Variants in VGLL1 observed in about 807,000 individuals in gnomAD.
VGLL1 encodes the protein transcription cofactor vestigial-like protein 1.
Under a neutral mutation model 12.0 loss-of-function variants are expected in VGLL1, and 4 were observed. The observed-to-expected ratio is 0.33, with a 90% CI of 0.16 to 0.76. VGLL1 has a LOEUF of 0.76. Among genes scored for constraint, VGLL1 ranks in the 30% least tolerant of loss-of-function variants. The probability of loss-of-function intolerance (pLI) is 0.60; values close to 1 mark genes in which losing one functional copy is unlikely to be tolerated. For missense variants in VGLL1, 204 were observed against 208.7 expected, an observed-to-expected ratio of 0.98 and a Z score of 0.14; for synonymous variants, 87 against 81.2, an observed-to-expected ratio of 1.07 and a Z score of -0.39.
At chrX:136,539,533 TCAGCC>T (rs2075850075) in intron 2 of VGLL1, among the ~76,000 whole-genome samples, 1 of 111,687 alleles carries the variant, frequency 9.0e-6, no homozygotes, top group African/African-American at 3.3e-5. Context: ...TCGCTTGCAG[TCAGCC>T]CATAACATTA....
In VGLL1 at chrX:136,537,869, A is replaced by G. The variant is rs572507866; in HGVS notation, c.214+1635A>G. ...GTGTGAACCACCACACCCAGCTAGT[A>G]TTATTATCACTATTATTATTACTAT... is the stretch of plus-strand genomic sequence containing the variant. On this transcript the variant is annotated intron_variant, in intron 2 of 4. Transcript: ENST00000370634. Among the ~76,000 whole-genome samples, 31 of 110,237 alleles carry G rather than the reference A, an allele frequency of 2.8e-4. No individual in the cohort carries two copies. The South Asian group carries it at 0.011, about 40-fold the overall frequency.
intron 2 of VGLL1, among the ~76,000 whole-genome samples, chrX:136,539,329 G>A (rs954454894): frequency 9.0e-6 from 1 of 111,218 alleles, no homozygotes; most frequent in Non-Finnish European, 1.9e-5. Flanking sequence ...TGTGTACTCT[G>A]TCCTTTCCTC....
At chrX:136,532,593 C>CTTTCTT (rs2075826186) in intron 1 of VGLL1, among the ~76,000 whole-genome samples, 5 of 60,814 alleles carry the variant, frequency 8.2e-5, no homozygotes, top group African/African-American at 3.2e-4. Flanking sequence ...TTCTTTCTTT[C>CTTTCTT]TTTCTTTCTT....
At chrX:136,532,585 CTT>C (rs2075826019) in intron 1 of VGLL1, among the ~76,000 whole-genome samples, 1 of 20,769 alleles carries the variant, frequency 4.8e-5, no homozygotes, top group African/African-American at 1.8e-4. Context: ...TTCTTTCTTT[CTT>C]TCTTTCTTTC....
chrX:136,544,113 T>A (rs1362456029), intron 2 of VGLL1, among the ~76,000 whole-genome samples: 10 of 111,874 alleles, frequency 8.9e-5, no homozygotes, highest in African/African-American at 3.3e-4. Flanking sequence ...TTTAAAAAAT[T>A]CATCAATGTC....
chrX:136,533,295 A>G (rs750403223), intron 1 of VGLL1, among the ~76,000 whole-genome samples: 4 of 111,006 alleles, frequency 3.6e-5, no homozygotes, highest in South Asian at 7.7e-4. Context: ...TGAATACTGA[A>G]TTTATTATTC....
At position 136,548,960 on chromosome X, in the gene VGLL1, G is replaced by T; in HGVS notation, c.586G>T (p.Ala196Ser). 1 of 1,212,075 alleles carries T rather than the reference G, an allele frequency of 8.3e-7. No homozygotes were observed. The highest frequency in any genetic ancestry group is 1.1e-6 in the Non-Finnish European group (1 of 895,536). ...ARENGNPGQI[A>S]GSTGLLFNLP... ...GGAGAATGGCAACCCTGGCCAGATA[G>T]CTGGAAGCACAGGGTTGCTCTTCAA... is the stretch of plus-strand genomic sequence containing the variant. The change falls in exon 3 of 5, where the codon GCT (alanine) becomes TCT (serine). Residue 196 changes from alanine to serine, a missense_variant. Physicochemically the swap from Ala to Ser is moderately conservative, Grantham distance 99. Transcript: ENST00000370634.
At chrX:136,541,086 C>G (rs1385177125) in intron 2 of VGLL1, among the ~76,000 whole-genome samples, 1 of 112,481 alleles carries the variant, frequency 8.9e-6, no homozygotes, top group Non-Finnish European at 1.9e-5. Flanking sequence ...CCTGTGTTCA[C>G]AACACCAGGT....
intron 4 of VGLL1, among the ~76,000 whole-genome samples, chrX:136,552,011 G>A (rs764509403): frequency 9.0e-6 from 1 of 111,374 alleles, no homozygotes; most frequent in East Asian, 2.8e-4. Flanking sequence ...TAGGGGTGAG[G>A]GCAATCTATA....
In VGLL1 at chrX:136,556,520, G is replaced by A. The variant is rs1464591571; in HGVS notation, c.758G>A (p.Arg253Gln). 1.1e-5 allele frequency: 13 copies of A among 1,210,242 alleles called. No homozygotes were observed. The highest frequency in any genetic ancestry group is 4.3e-5 in the Admixed American group (2 of 46,029). Residue 253 changes from arginine (R) to glutamine (Q), a missense_variant, in exon 5 of 5, where the codon CGA becomes CAA. By Grantham distance (43) the Arg-to-Gln change is conservative. Coordinates refer to ENST00000370634, the MANE Select transcript of VGLL1 (RefSeq NM_016267.4). ...CCAAACCACTGGGGCCACCCACATC[G>A]ATACCTGCAGCATCTTTAGTCAAGT... ...TPPNHWGHPH[R>Q]YLQHL
At chrX:136,538,464 C>T (rs181943361) in intron 2 of VGLL1, among the ~76,000 whole-genome samples, 4 of 112,614 alleles carry the variant, frequency 3.6e-5, no homozygotes, top group African/African-American at 1.3e-4. Flanking sequence ...AAGTCACCCT[C>T]GCCAGCTGGA....
chrX:136,556,720 C>T lies in VGLL1; in HGVS notation c.*181C>T. On this transcript the variant is annotated 3_prime_UTR_variant, in exon 5 of 5. Coordinates refer to ENST00000370634, the MANE Select transcript of VGLL1 (RefSeq NM_016267.4). ...TGAAAATCCCAGAAGCCCCCGCTGT[C>T]AATGTTCCCCATCCACACCCTGCTT... 1 of 408,122 alleles carries T rather than the reference C, an allele frequency of 2.5e-6. No individual in the cohort carries two copies. Among genetic ancestry groups the T allele is most frequent in the East Asian group, 4.0e-5 (1 of 25,297 alleles). 33.6% of individuals were successfully genotyped at this position (408,122 alleles called of 1,213,427 possible).
chrX:136,545,472 T>G (rs2075867269), intron 2 of VGLL1, among the ~76,000 whole-genome samples: 1 of 111,788 alleles, frequency 8.9e-6, no homozygotes, highest in African/African-American at 3.3e-5. Flanking sequence ...TGATCTCAGC[T>G]CTCGCCAAGC....
At chrX:136,543,890 C>T (rs758897738) in intron 2 of VGLL1, among the ~76,000 whole-genome samples, 65 of 112,075 alleles carry the variant, frequency 5.8e-4, no homozygotes, top group African/African-American at 2.0e-3. Context: ...AGCTGTGACT[C>T]GTTTTTTGGG....
chrX:136,536,178 A>G lies in VGLL1; in HGVS notation c.158A>G (p.Lys53Arg). 8.3e-7 allele frequency: 1 copy of G among 1,211,426 alleles called. No individual in the cohort carries two copies. The highest frequency in any genetic ancestry group is 1.1e-6 in the Non-Finnish European group (1 of 895,454). Residue 53 changes from lysine (K) to arginine (R), a missense_variant, in exon 2 of 5, where the codon AAG becomes AGG. By Grantham distance (26) the Lys-to-Arg change is conservative. Coordinates refer to ENST00000370634, the MANE Select transcript of VGLL1 (RefSeq NM_016267.4). Reference protein sequence around the residue: ...EHFSRALSNIKSPQELTPSSQ... With the variant: ...EHFSRALSNIRSPQELTPSSQ... The stretch of plus-strand genomic sequence containing the variant: ...TTCTCCAGAGCTCTGAGCAATATCA[A>G]GAGCCCCCAGGAATTGACCCCCTCG...
rs761275632 is a variant in VGLL1, at chrX:136,548,861, G to A, written c.487G>A (p.Gly163Arg). 2 of 1,212,187 alleles carry A rather than the reference G, an allele frequency of 1.6e-6. No individual in the cohort carries two copies. The highest frequency in any genetic ancestry group is 2.2e-6 in the Non-Finnish European group (2 of 895,631). The stretch of plus-strand genomic sequence containing the variant: ...CCTGGTTCCAGAGCCCCAGCCTGAT[G>A]GGAAACGTGAGCCTCTCCTAAGTCT... ...RHLVPEPQPD[G>R]KREPLLSLLQ... Residue 163 changes from glycine to arginine, a missense_variant, in exon 3 of 5, where the codon GGG (glycine) becomes AGG (arginine). Physicochemically the swap from Gly to Arg is moderately radical, Grantham distance 125. Coordinates refer to ENST00000370634, the MANE Select transcript of VGLL1 (RefSeq NM_016267.4).
chrX:136,556,394 T>G, intron 4 of VGLL1, 57 bp from the exon 5 acceptor site: 1 of 1,044,686 alleles, frequency 9.6e-7, no homozygotes, highest in Non-Finnish European at 1.3e-6. Flanking sequence ...GGAGGAGACT[T>G]ACAGCCTTCC....
At chrX:136,548,057 G>A (rs1368932150) in intron 2 of VGLL1, among the ~76,000 whole-genome samples, 1 of 111,059 alleles carries the variant, frequency 9.0e-6, no homozygotes, top group East Asian at 2.8e-4. Flanking sequence ...CTGGAGTGAA[G>A]TGGAGCAATC....
At chrX:136,554,295 C>T (rs1255154463) in intron 4 of VGLL1, among the ~76,000 whole-genome samples, 3 of 109,971 alleles carry the variant, frequency 2.7e-5, no homozygotes, top group Non-Finnish European at 5.7e-5. Context: ...GTGAGAGAGC[C>T]AGCTCTGGGA....
Sources: allele counts gnomAD v4.1 joint callset (sites outside exome capture counted in the v4.1 genomes callset), GRCh38; gene constraint gnomAD v4.1.1; transcripts MANE v1.5; gene names NCBI Gene and HGNC (gene_info 2026-07-23, HGNC 2026-07-21).